Variants in AKAP9 observed in about 807,000 individuals in gnomAD.
The protein encoded by AKAP9 is A-kinase anchoring protein 9, also known as A-kinase anchor protein 9.
AKAP9 carries 311 observed loss-of-function variants against 488.5 expected under a neutral mutation model. The observed-to-expected ratio is 0.64, with a 90% CI of 0.58 to 0.70. The LOEUF is 0.70. Ranked by LOEUF, AKAP9 falls within the 30% of genes least tolerant of loss-of-function variation. The pLI is 0.00. For missense variants in AKAP9, 4,215 were observed against 4,374.5 expected, an observed-to-expected ratio of 0.96 and a Z score of 1.03; for synonymous variants, 1,462 against 1,483.5, an observed-to-expected ratio of 0.99 and a Z score of 0.33.
chr7:92,082,422 C>A, intron 31 of AKAP9, 100 bp from the exon 32 acceptor site: 1 of 1,277,082 alleles, frequency 7.8e-7, no homozygotes, highest in African/African-American at 1.5e-5. Flanking sequence ...TATCTGTAGG[C>A]AGTCATTCCT....
intron 42 of AKAP9, 65 bp downstream of exon 42, chr7:92,097,859 T>A: frequency 1.3e-6 from 2 of 1,495,736 alleles, no homozygotes; most frequent in Non-Finnish European, 1.9e-6. Context: ...CCCATGCCTC[T>A]GGGACAGCTA....
At chr7:92,000,769 T>C (rs1799053494) in intron 7 of AKAP9, 79 bp from the exon 8 acceptor site, 2 of 743,726 alleles carry the variant, frequency 2.7e-6, no homozygotes, top group Non-Finnish European at 4.2e-6. Context: ...TCTGTCAGTC[T>C]TTTGGTAATG....
Position 92,003,242 on chromosome 7 carries a change from T to C in AKAP9, c.3318+7T>C. 6.4e-7 allele frequency: 1 copy of C among 1,562,788 alleles called. No homozygotes were observed. Among genetic ancestry groups the C allele is most frequent in the South Asian group, 1.1e-5 (1 of 89,092 alleles). ...TGTACTTAAATCAGAACAGGTATGT[T>C]TACTTCTTCATATATGGTAAAGCAC... On this transcript the variant is annotated splice_region_variant and intron_variant, in intron 8 of 49. Transcript: ENST00000356239.
chr7:92,099,583 C>A, intron 43 of AKAP9, 104 bp from the exon 44 acceptor site: 1 of 1,111,842 alleles, frequency 9.0e-7, no homozygotes, highest in Non-Finnish European at 1.4e-6. Flanking sequence ...TCAACTCAAG[C>A]ACCAATTCAT....
intron 31 of AKAP9, among the ~76,000 whole-genome samples, chr7:92,081,471 ATT>A (rs1158704452): frequency 1.2e-5 from 1 of 80,178 alleles, no homozygotes; most frequent in Non-Finnish European, 2.3e-5. Context: ...CACCCGGCTA[ATT>A]TATATATATA....
intron 46 of AKAP9, among the ~76,000 whole-genome samples, chr7:92,104,229 C>T (rs1158807967): frequency 2.7e-5 from 4 of 145,500 alleles, no homozygotes; most frequent in Non-Finnish European, 6.0e-5. Flanking sequence ...CTTGCTCTGT[C>T]GCCCAGGCTG....
intron 44 of AKAP9, chr7:92,100,097 C>G (rs1183314813): frequency 4.5e-6 from 2 of 446,758 alleles, no homozygotes; most frequent in Non-Finnish European, 8.2e-6. Context: ...TGTATACATA[C>G]AGAATCTCTA....
At chr7:92,094,757 C>T (rs1346962021) in intron 39 of AKAP9, among the ~76,000 whole-genome samples, 5 of 152,220 alleles carry the variant, frequency 3.3e-5, no homozygotes, top group Admixed American at 1.3e-4. Flanking sequence ...TGCTTTAACC[C>T]GGGAGGTGGA....
chr7:92,104,424 C>T (rs1818187557), intron 46 of AKAP9, among the ~76,000 whole-genome samples: 1 of 152,108 alleles, frequency 6.6e-6, no homozygotes, highest in Non-Finnish European at 1.5e-5. Context: ...ATCTCCTGAC[C>T]TCATGATCCG....
At chr7:92,099,068 T>G (rs1454775159) in intron 43 of AKAP9, among the ~76,000 whole-genome samples, 1 of 152,190 alleles carries the variant, frequency 6.6e-6, no homozygotes, top group African/African-American at 2.4e-5. Flanking sequence ...GACCCTCATT[T>G]CTAGTCATGA....
At chr7:92,038,912 T>G in intron 17 of AKAP9, 140 bp downstream of exon 17, 1 of 691,198 alleles carries the variant, frequency 1.4e-6, no homozygotes, top group Non-Finnish European at 2.4e-6. Flanking sequence ...TTGTTTTGTT[T>G]TGTTTTGTTT....
chr7:91,971,692 C>T (rs1188375568), intron 1 of AKAP9, among the ~76,000 whole-genome samples: 4 of 151,274 alleles, frequency 2.6e-5, no homozygotes, highest in Admixed American at 6.6e-5. Flanking sequence ...CTCAGCCTCC[C>T]GAATAGCTGG....
intron 16 of AKAP9, 127 bp downstream of exon 16, chr7:92,031,731 G>A: frequency 1.4e-6 from 1 of 717,168 alleles, no homozygotes; most frequent in Admixed American, 2.7e-5. Flanking sequence ...TTAAGTGATT[G>A]GATAATATCA....
chr7:91,982,270 C>A (rs773487574), intron 3 of AKAP9, among the ~76,000 whole-genome samples: 44 of 151,938 alleles, frequency 2.9e-4, no homozygotes, highest in Non-Finnish European at 4.9e-4. Context: ...TATACATGTT[C>A]CATGCTGGTT....
intron 19 of AKAP9, 99 bp from the exon 20 acceptor site, chr7:92,042,569 A>T (rs1381759926): frequency 3.1e-5 from 26 of 843,826 alleles, no homozygotes; most frequent in Non-Finnish European, 5.0e-5. Flanking sequence ...AGAGGTTTCT[A>T]TTTTATCTCA....
At chr7:91,986,178 A>G (rs1280578077) in intron 3 of AKAP9, among the ~76,000 whole-genome samples, 2 of 152,156 alleles carry the variant, frequency 1.3e-5, no homozygotes, top group Admixed American at 1.3e-4. Context: ...TTTCCTCTAG[A>G]TGAAAGAAAT....
intron 21 of AKAP9, among the ~76,000 whole-genome samples, chr7:92,047,113 T>TA (rs1367452399): frequency 6.6e-6 from 1 of 152,212 alleles, no homozygotes; most frequent in Non-Finnish European, 1.5e-5. Flanking sequence ...AAAGCAGACC[T>TA]AAAAAGACTT....
At chr7:91,977,550 C>A (rs187505831) in intron 2 of AKAP9, among the ~76,000 whole-genome samples, 1 of 151,910 alleles carries the variant, frequency 6.6e-6, no homozygotes, top group African/African-American at 2.4e-5. Flanking sequence ...AGCGAGACTC[C>A]GTCTCAAAAA....
intron 32 of AKAP9, 121 bp from the exon 33 acceptor site, chr7:92,083,049 C>T (rs1174526778): frequency 1.7e-6 from 2 of 1,181,806 alleles, no homozygotes; most frequent in Non-Finnish European, 2.4e-6. Context: ...GTTTTTCCTA[C>T]TACTCTGAGG....
Sources: allele counts gnomAD v4.1 joint callset (sites outside exome capture counted in the v4.1 genomes callset), GRCh38; gene constraint gnomAD v4.1.1; transcripts MANE v1.5; gene names NCBI Gene and HGNC (gene_info 2026-07-23, HGNC 2026-07-21).